C19orf44: variants seen among roughly 807,000 people sequenced by gnomAD.
C19orf44 encodes the protein uncharacterized protein C19orf44.
In C19orf44, 43 loss-of-function variants were observed where a neutral mutation model predicts 50.7. That is an observed-to-expected ratio of 0.85 (90% CI 0.66 to 1.09). The LOEUF (loss-of-function observed/expected upper bound fraction) is 1.09, where lower values mean the gene tolerates loss of function less well. Ranked by LOEUF, C19orf44 falls within the 50% of genes least tolerant of loss-of-function variation. C19orf44 has a pLI of 0.00. For synonymous variants in C19orf44, 298 were observed against 334.7 expected (o/e 0.89, Z 1.20); for missense variants, 722 against 836.2 (o/e 0.86, Z 1.68).
intron 7 of C19orf44, among the ~76,000 whole-genome samples, chr19:16,515,552 G>A (rs1049852991): frequency 2.0e-5 from 3 of 151,408 alleles, no homozygotes; most frequent in African/African-American, 7.3e-5. Flanking sequence ...TTTTTTTGAC[G>A]GAGTTTTGCT....
Position 16,520,444 on chromosome 19 carries a change from T to C in C19orf44, c.*391T>C, listed in dbSNP as rs370425040. On this transcript the variant is annotated 3_prime_UTR_variant, in exon 9 of 9. Coordinates refer to ENST00000221671, the MANE Select transcript of C19orf44 (RefSeq NM_032207.4). This position sits in a 1 kb window ranked among gnomAD's most constrained non-coding sequence, Gnocchi z 4.0. ...ACGAGCCTGAAGACTTGGAGGATCT[T>C]GAGTTGGAGCGGGAGGAAGAACGCC... The C allele has an allele frequency of 3.1e-6, 5 of 1,613,864 alleles. No homozygotes were observed. The highest frequency in any genetic ancestry group is 4.2e-6 in the Non-Finnish European group (5 of 1,179,992).
intron 5 of C19orf44, among the ~76,000 whole-genome samples, chr19:16,510,454 A>C (rs527796931): frequency 1.9e-4 from 29 of 152,146 alleles, no homozygotes; most frequent in African/African-American, 6.7e-4. Flanking sequence ...TCTTCCATGG[A>C]CGAGGGACAG....
chr19:16,508,223 G>C (rs975821039), intron 4 of C19orf44, among the ~76,000 whole-genome samples: 13 of 152,120 alleles, frequency 8.5e-5, no homozygotes, highest in Non-Finnish European at 1.6e-4. Flanking sequence ...TTGTGCCTCA[G>C]CCTCCTGAGT....
In C19orf44 at chr19:16,520,615, G is replaced by A. The variant is rs2085603629; in HGVS notation, c.*562G>A. On this transcript the variant is annotated 3_prime_UTR_variant, in exon 9 of 9. Coordinates refer to ENST00000221671, the MANE Select transcript of C19orf44 (RefSeq NM_032207.4). The surrounding 1 kb of genome is among the most constrained non-coding windows in gnomAD (Gnocchi z 4.0). ...CCCAGATGCAGGGGCTCTGGCTGTG[G>A]ATGTGGCGCCATAGCCACAGCAACG... The A allele has an allele frequency of 7.4e-7, 1 of 1,345,680 alleles. No individual in the cohort carries two copies. The highest frequency in any genetic ancestry group is 1.3e-5 in the South Asian group (1 of 75,150). The allele number at this position is 1,345,680 out of a possible 1,614,324, so 83.4% of individuals were successfully genotyped here.
chr19:16,515,575 G>A (rs1313861896), intron 7 of C19orf44, among the ~76,000 whole-genome samples: 1 of 151,868 alleles, frequency 6.6e-6, no homozygotes, highest in Non-Finnish European at 1.5e-5. Context: ...TGTTGCCCAG[G>A]CTGGAATGCA....
At position 16,519,582 on chromosome 19, in the gene C19orf44, G is replaced by A. The variant is rs1447368519; in HGVS notation, c.*41-512G>A. 2 of 1,555,924 alleles carry A rather than the reference G, an allele frequency of 1.3e-6. No homozygotes were observed. Among genetic ancestry groups the A allele is most frequent in the Non-Finnish European group, 1.8e-6 (2 of 1,127,488 alleles). ...GGTGACTCCCGGGCCCAGCACGCGT[G>A]AGGACCCATCCCGCGCCCTCCCCAT... On this transcript the variant is annotated intron_variant, in intron 8 of 8. Coordinates refer to ENST00000221671, the MANE Select transcript of C19orf44 (RefSeq NM_032207.4). The surrounding 1 kb of genome is among the most constrained non-coding windows in gnomAD (Gnocchi z 6.0).
rs750082780 is a variant in C19orf44 at position 16,503,117 on chromosome 19, C to T, written c.812C>T (p.Ala271Val). The T allele has an allele frequency of 7.4e-6, 12 of 1,614,038 alleles. No individual in the cohort carries two copies. Among genetic ancestry groups the T allele is most frequent in the Non-Finnish European group, 2.5e-6 (3 of 1,180,050 alleles). ...GTACCCAGCGTGGAACTCTCCAGCG[C>T]AAAGCCTTCTCAGACATCACACCTG... The part of the protein sequence containing the change: ...FTVPSVELSS[A>V]KPSQTSHLPT... The change falls in exon 3 of 9, where the codon GCA (alanine) becomes GTA (valine). Residue 271 changes from alanine (A) to valine (V), a missense_variant. Ala to Val is a moderately conservative substitution (Grantham distance 64). Transcript: ENST00000221671.
intron 5 of C19orf44, among the ~76,000 whole-genome samples, chr19:16,512,285 G>A (rs1374676640): frequency 1.3e-5 from 2 of 152,074 alleles, no homozygotes; most frequent in African/African-American, 4.8e-5. Flanking sequence ...ATGCTTTCAT[G>A]AAACACTGGC....
chr19:16,497,115 T>G (rs151051709), intron 1 of C19orf44, among the ~76,000 whole-genome samples: 2 of 152,012 alleles, frequency 1.3e-5, no homozygotes, highest in Non-Finnish European at 2.9e-5. Context: ...TCCGGCTAAT[T>G]TTTTGTATTT....
intron 7 of C19orf44, among the ~76,000 whole-genome samples, chr19:16,515,953 T>C (rs895548121): frequency 1.4e-4 from 22 of 152,270 alleles, no homozygotes; most frequent in African/African-American, 5.1e-4. Flanking sequence ...CGAACCACCA[T>C]GCCCAGCTAA....
At position 16,514,587 on chromosome 19, in the gene C19orf44, G is replaced by A. The variant is rs752649638; in HGVS notation, c.1826G>A (p.Arg609Gln). The A allele has an allele frequency of 1.4e-5, 23 of 1,607,998 alleles. No individual in the cohort carries two copies. Among genetic ancestry groups the A allele is most frequent in the Admixed American group, 1.7e-5 (1 of 59,208 alleles). The change falls in exon 7 of 9, where the codon CGG becomes CAG. Residue 609 changes from arginine to glutamine, a missense_variant. Coordinates refer to ENST00000221671, the MANE Select transcript of C19orf44 (RefSeq NM_032207.4). ...SLTQQFIQAS[R>Q]HLHASLLRSL... is the part of the protein sequence containing the mutation. ...ACGCAGCAGTTCATCCAGGCCAGCC[G>A]GCACCTGCACGCCTCCCTCCTGCGC...
chr19:16,503,374 C>T lies in C19orf44; in HGVS notation c.1069C>T (p.Leu357Phe). Residue 357 changes from leucine to phenylalanine, a missense_variant, in exon 3 of 9, where the codon CTC (leucine) becomes TTC (phenylalanine). Transcript: ENST00000221671. ...EPVSEGADDS[L>F]DEFRINILSL... is the part of the protein sequence containing the mutation. ...AGTCTCAGAAGGTGCTGATGACAGCCTCGACGGTAATCCCAGTCCCGGTGC... is the reference window on the plus strand; with the variant it reads ...AGTCTCAGAAGGTGCTGATGACAGCTTCGACGGTAATCCCAGTCCCGGTGC... 1 of 1,608,158 alleles carries T rather than the reference C, an allele frequency of 6.2e-7. No individual in the cohort carries two copies. Among genetic ancestry groups the T allele is most frequent in the Non-Finnish European group, 8.5e-7 (1 of 1,175,448 alleles).
Position 16,519,535 on chromosome 19 carries a change from G to T in C19orf44, c.*41-559G>T. ...GGCCTGACTCCATCCATCCCCACAT[G>T]CACTGAGGAAGAGAAAGCGCTGGTG... On this transcript the variant is annotated intron_variant, in intron 8 of 8. Coordinates refer to ENST00000221671, the MANE Select transcript of C19orf44 (RefSeq NM_032207.4). The surrounding 1 kb of genome is among the most constrained non-coding windows in gnomAD (Gnocchi z 6.0). The T allele has an allele frequency of 7.5e-7, 1 of 1,329,028 alleles. No individual in the cohort carries two copies. Among genetic ancestry groups the T allele is most frequent in the Non-Finnish European group, 1.1e-6 (1 of 924,938 alleles). 82.3% of individuals were successfully genotyped at this position (1,329,028 alleles called of 1,614,324 possible). A position where few individuals can be genotyped will look rare whatever the true frequency, so the allele number is the denominator to read the frequency against.
At chr19:16,500,378 G>A (rs2093421601) in intron 1 of C19orf44, among the ~76,000 whole-genome samples, 1 of 150,430 alleles carries the variant, frequency 6.6e-6, no homozygotes, top group Admixed American at 6.6e-5. Flanking sequence ...TTTTAGACAG[G>A]GTTTCACTCT....
Position 16,501,169 on chromosome 19 carries a change from G to C in C19orf44, c.377G>C (p.Gly126Ala), listed in dbSNP as rs760592805. ...TCTGACTCAATGACCGCCGATGCTG[G>C]TCTTCCAAAGAGAGCTGACAGAATC... Reference protein sequence around the residue: ...TESDSMTADAGLPKRADRILS... With the variant: ...TESDSMTADAALPKRADRILS... Residue 126 changes from glycine (G) to alanine (A), a missense_variant, in exon 2 of 9, where the codon GGT becomes GCT. Transcript: ENST00000221671. 10 of 1,614,104 alleles carry C rather than the reference G, an allele frequency of 6.2e-6. No homozygotes were observed. Among genetic ancestry groups the C allele is most frequent in the Middle Eastern group, 1.6e-4 (1 of 6,062 alleles).
Position 16,501,357 on chromosome 19 carries a change from C to T in C19orf44, c.565C>T (p.Pro189Ser). 6.2e-7 allele frequency: 1 copy of T among 1,614,088 alleles called. No homozygotes were observed. The highest frequency in any genetic ancestry group is 2.2e-5 in the East Asian group (1 of 44,884). The change falls in exon 2 of 9, where the codon CCT becomes TCT. Residue 189 changes from proline (P) to serine (S), a missense_variant. Pro to Ser is a moderately conservative substitution (Grantham distance 74). Transcript: ENST00000221671. Reference sequence around the variant, plus strand: ...TGTTGAAAACATATCCCCTGAAGCACCTGCTGGGAAAGAGAGGACTTTGCA... The same window carrying T: ...TGTTGAAAACATATCCCCTGAAGCATCTGCTGGGAAAGAGAGGACTTTGCA... ...APVENISPEA[P>S]AGKERTLQTP...
chr19:16,520,204 TGGACCGGGACCGCGACTG>T lies in C19orf44; in HGVS notation c.*161_*178del, dbSNP rs760191834. ...CGTCTTCTTCCTGGGGAGTACGACT[TGGACCGGGACCGCGACTG>T]GGACCGGGAGCGGCTTCTGGAGGAG... is the stretch of plus-strand genomic sequence containing the variant. On this transcript the variant is annotated 3_prime_UTR_variant, in exon 9 of 9. Coordinates refer to ENST00000221671, the MANE Select transcript of C19orf44 (RefSeq NM_032207.4). This position sits in a 1 kb window ranked among gnomAD's most constrained non-coding sequence, Gnocchi z 4.0. 1.2e-6 allele frequency: 2 copies of T among 1,613,188 alleles called. No individual in the cohort carries two copies. Among genetic ancestry groups the T allele is most frequent in the African/African-American group, 1.3e-5 (1 of 74,878 alleles).
chr19:16,506,115 A>G (rs1053385281), intron 3 of C19orf44, among the ~76,000 whole-genome samples: 1 of 152,078 alleles, frequency 6.6e-6, no homozygotes, highest in African/African-American at 2.4e-5. Flanking sequence ...AGCTGGGACT[A>G]CAGGCACCCG....
intron 4 of C19orf44, 61 bp downstream of exon 4, chr19:16,506,835 T>TA (rs1364275761): frequency 1.6e-4 from 204 of 1,250,192 alleles, no homozygotes; most frequent in Middle Eastern, 2.4e-4. Flanking sequence ...TTTTTTTTTT[T>TA]AAATTTTTAA....
Sources: allele counts gnomAD v4.1 joint callset (sites outside exome capture counted in the v4.1 genomes callset), GRCh38; gene constraint gnomAD v4.1.1; non-coding constraint Gnocchi (gnomAD v3.1); transcripts MANE v1.5; gene names NCBI Gene and HGNC (gene_info 2026-07-23, HGNC 2026-07-21).